Variants in MYL12B observed in about 807,000 individuals in gnomAD.
The protein encoded by MYL12B is myosin light chain 12B.
In MYL12B, 3 loss-of-function variants were observed where a neutral mutation model predicts 12.9. The ratio of observed to expected loss-of-function variants is 0.23; its 90% CI spans 0.11 to 0.60. MYL12B has a LOEUF of 0.60. MYL12B is among the 20% of genes least tolerant of loss of function. MYL12B has a pLI of 0.89. For missense variants in MYL12B, 120 were observed against 215.4 expected (o/e 0.56, Z 2.77); for synonymous variants, 57 against 71.9 (o/e 0.79, Z 1.05).
chr18:3,268,565 A>G (rs1351451802), intron 1 of MYL12B, among the ~76,000 whole-genome samples: 4 of 152,052 alleles, frequency 2.6e-5, no homozygotes, highest in Non-Finnish European at 4.4e-5. Context: ...ACTCACTGCA[A>G]CTCTATTCTG....
At chr18:3,269,797 A>G (rs1428179807) in intron 1 of MYL12B, among the ~76,000 whole-genome samples, 1 of 152,236 alleles carries the variant, frequency 6.6e-6, no homozygotes, top group African/African-American at 2.4e-5. Context: ...CTAAGAGGAA[A>G]ATGGAGGAGG....
chr18:3,267,022 A>G (rs2081639888), intron 1 of MYL12B, among the ~76,000 whole-genome samples: 1 of 152,240 alleles, frequency 6.6e-6, no homozygotes, highest in African/African-American at 2.4e-5. Flanking sequence ...AAGGGGAACT[A>G]GATGCATAAA....
At chr18:3,275,191 G>A (rs941280519) in intron 2 of MYL12B, among the ~76,000 whole-genome samples, 2 of 152,158 alleles carry the variant, frequency 1.3e-5, no homozygotes, top group Non-Finnish European at 2.9e-5. Context: ...AAGACATTAT[G>A]TTAAGTGAAA....
rs1365181274 is a variant in MYL12B, at chr18:3,277,309, A to G, written c.241A>G (p.Ile81Val). 13 of 1,613,860 alleles carry G rather than the reference A, an allele frequency of 8.1e-6. No homozygotes were observed. The highest frequency in any genetic ancestry group is 3.3e-5 in the Admixed American group (2 of 59,994). The change falls in exon 3 of 4, where the codon ATC becomes GTC. Residue 81 changes from isoleucine (I) to valine (V), a missense_variant. Physicochemically the swap from Ile to Val is conservative, Grantham distance 29. Transcript: ENST00000237500. Reference sequence around the variant, plus strand: ...CATGATGAATGAGGCCCCAGGGCCCATCAATTTCACCATGTTCCTGACCAT... The same window carrying G: ...CATGATGAATGAGGCCCCAGGGCCCGTCAATTTCACCATGTTCCTGACCAT... ...DAMMNEAPGP[I>V]NFTMFLTMFG...
At chr18:3,264,288 CTATACATATATT>C (rs993682858) in intron 1 of MYL12B, among the ~76,000 whole-genome samples, 1 of 152,086 alleles carries the variant, frequency 6.6e-6, no homozygotes, top group Non-Finnish European at 1.5e-5. Context: ...ACTGTGTATA[CTATACATATATT>C]TATACATATA....
intron 1 of MYL12B, among the ~76,000 whole-genome samples, chr18:3,267,450 A>G (rs2081642667): frequency 6.6e-6 from 1 of 152,180 alleles, no homozygotes; most frequent in Admixed American, 6.5e-5. Flanking sequence ...TTTGCATATC[A>G]GTACTGCAGG....
At chr18:3,276,347 A>G in intron 2 of MYL12B, 2 of 787,154 alleles carry the variant, frequency 2.5e-6, no homozygotes, top group Non-Finnish European at 3.1e-6. Context: ...TTCCCACACC[A>G]CGGGGCCTCA....
intron 1 of MYL12B, among the ~76,000 whole-genome samples, chr18:3,269,845 A>T (rs1460990816): frequency 6.6e-6 from 1 of 152,240 alleles, no homozygotes; most frequent in Non-Finnish European, 1.5e-5. Flanking sequence ...AGAGTAAGTC[A>T]AATACACCAT....
intron 2 of MYL12B, among the ~76,000 whole-genome samples, chr18:3,274,282 T>A (rs975409094): frequency 3.5e-4 from 53 of 152,364 alleles, no homozygotes; most frequent in African/African-American, 1.2e-3. Flanking sequence ...TATACTCTGC[T>A]TATAATAGAT....
At chr18:3,275,439 AAAAT>A (rs1387706955) in intron 2 of MYL12B, among the ~76,000 whole-genome samples, 2 of 152,154 alleles carry the variant, frequency 1.3e-5, no homozygotes, top group African/African-American at 4.8e-5. Context: ...TGTACATTTT[AAAAT>A]AACTCAGTAT....
chr18:3,270,619 A>G (rs1431406271), intron 1 of MYL12B, among the ~76,000 whole-genome samples: 1 of 152,022 alleles, frequency 6.6e-6, no homozygotes, highest in African/African-American at 2.4e-5. Context: ...AATATAGTAT[A>G]TTTTTGGGTT....
At chr18:3,267,151 A>T (rs1210024458) in intron 1 of MYL12B, among the ~76,000 whole-genome samples, 2 of 152,206 alleles carry the variant, frequency 1.3e-5, no homozygotes, top group East Asian at 3.8e-4. Context: ...ACCCCCAGAC[A>T]TTCCATTACC....
chr18:3,275,089 C>T (rs958314914), intron 2 of MYL12B, among the ~76,000 whole-genome samples: 7 of 151,772 alleles, frequency 4.6e-5, no homozygotes, highest in Non-Finnish European at 1.0e-4. Context: ...ACCAGATGAA[C>T]GGATTTTAAA....
intron 1 of MYL12B, among the ~76,000 whole-genome samples, chr18:3,267,112 G>A (rs1349497591): frequency 1.3e-5 from 2 of 152,186 alleles, no homozygotes; most frequent in African/African-American, 2.4e-5. Context: ...CACCTGGTGC[G>A]TTTTTGAAAA....
At chr18:3,262,263 G>C (rs1001219292) in intron 1 of MYL12B, 26 bp downstream of exon 1, 4 of 151,458 alleles carry the variant, frequency 2.6e-5, no homozygotes, top group African/African-American at 9.7e-5. Flanking sequence ...CTCTGCTCGC[G>C]AGACCCCTCG....
chr18:3,273,957 G>T lies in MYL12B; in HGVS notation c.184+875G>T, dbSNP rs569175928. Among the ~76,000 whole-genome samples the T allele has an allele frequency of 6.4e-4, 97 of 151,856 alleles. No individual in the cohort carries two copies. The Middle Eastern group carries it at 0.01, about 16-fold the overall frequency. Reference sequence around the variant, plus strand: ...CTAACACATTGAAAGTAAAGTTTAGGTGTGTACTTATTCCTATCCAACATA... The same window carrying T: ...CTAACACATTGAAAGTAAAGTTTAGTTGTGTACTTATTCCTATCCAACATA... On this transcript the variant is annotated intron_variant, in intron 2 of 3. Transcript: ENST00000237500.
intron 1 of MYL12B, among the ~76,000 whole-genome samples, chr18:3,269,382 G>A (rs2081659396): frequency 6.6e-6 from 1 of 152,166 alleles, no homozygotes; most frequent in South Asian, 2.1e-4. Context: ...GGTGATGACA[G>A]AGGAATGAGG....
At chr18:3,274,725 T>C (rs554775287) in intron 2 of MYL12B, among the ~76,000 whole-genome samples, 1 of 152,350 alleles carries the variant, frequency 6.6e-6, no homozygotes, top group Non-Finnish European at 1.5e-5. Flanking sequence ...GTTTTCAGTC[T>C]TGTCTGACTA....
In MYL12B at chr18:3,262,183, C is replaced by G. The variant is rs1183171955; in HGVS notation, c.-70C>G. The G allele has an allele frequency of 6.6e-6, 1 of 152,148 alleles. No homozygotes were observed. The highest frequency in any genetic ancestry group is 1.5e-5 in the Non-Finnish European group (1 of 68,068). 9.4% of individuals were successfully genotyped at this position (152,148 alleles called of 1,614,324 possible). A position where few individuals can be genotyped will look rare whatever the true frequency, so the allele number is the denominator to read the frequency against. On this transcript the variant is annotated 5_prime_UTR_variant, in exon 1 of 4. Transcript: ENST00000237500. ...TGTCCGGCCACAGCCTAACGCTCTT[C>G]GCTGTCGTTTGTGGTCTCGCGCAGG...
Sources: allele counts gnomAD v4.1 joint callset (sites outside exome capture counted in the v4.1 genomes callset), GRCh38; gene constraint gnomAD v4.1.1; transcripts MANE v1.5; gene names NCBI Gene and HGNC (gene_info 2026-07-23, HGNC 2026-07-21).